The following SMARCAD1 variants were observed in gnomAD, a reference collection of about 807,000 sequenced individuals.
The protein encoded by SMARCAD1 is SNF2 related chromatin remodeling ATPase with DExD box 1, also known as SWI/SNF-related matrix-associated actin-dependent regulator of chromatin subfamily A containing DEAD/H box 1.
In SMARCAD1, 25 loss-of-function variants were observed where a neutral mutation model predicts 127.1. The observed-to-expected ratio is 0.20, with a 90% CI of 0.14 to 0.27. The LOEUF is 0.27. SMARCAD1 is among the 10% of genes least tolerant of loss of function. The pLI, the probability that SMARCAD1 is intolerant of heterozygous loss-of-function variation, is 1.00. For synonymous variants in SMARCAD1, 400 were observed against 396.9 expected (o/e 1.01, Z -0.09); for missense variants, 807 against 1,206.0 (o/e 0.67, Z 4.90).
At chr4:94,285,307 C>T (rs955596288) in intron 23 of SMARCAD1, among the ~76,000 whole-genome samples, 1 of 152,090 alleles carries the variant, frequency 6.6e-6, no homozygotes, top group Non-Finnish European at 1.5e-5. Flanking sequence ...GTTCAAAACT[C>T]AGAAATGAAA....
chr4:94,264,406 G>A (rs1409489965), intron 9 of SMARCAD1: 3 of 238,840 alleles, frequency 1.3e-5, no homozygotes, highest in Non-Finnish European at 2.4e-5. Context: ...ACTTGTGAAT[G>A]TTTCTCTTAT....
At chr4:94,243,968 T>C (rs1748011623) in intron 6 of SMARCAD1, among the ~76,000 whole-genome samples, 1 of 152,102 alleles carries the variant, frequency 6.6e-6, no homozygotes, top group South Asian at 2.1e-4. Flanking sequence ...GATAAAAACA[T>C]AACGATACAT....
At chr4:94,240,140 A>T (rs1747353968) in intron 5 of SMARCAD1, among the ~76,000 whole-genome samples, 1 of 152,180 alleles carries the variant, frequency 6.6e-6, no homozygotes, top group African/African-American at 2.4e-5. Flanking sequence ...TGAAATCTTA[A>T]ACCTTTGTAG....
chr4:94,246,424 T>C (rs1748430670), intron 6 of SMARCAD1, among the ~76,000 whole-genome samples: 2 of 152,158 alleles, frequency 1.3e-5, no homozygotes, highest in Non-Finnish European at 1.5e-5. Context: ...CAGCCATAAC[T>C]GACAATCTTA....
At chr4:94,276,983 T>TAGCTCTTATATTAGC in intron 15 of SMARCAD1, 39 bp from the exon 16 acceptor site, 1 of 1,612,900 alleles carries the variant, frequency 6.2e-7, no homozygotes, top group East Asian at 2.2e-5. Flanking sequence ...GAGTGGCTCT[T>TAGCTCTTATATTAGC]TAAGAAAAAG....
At chr4:94,257,491 A>G (rs1750283891) in intron 9 of SMARCAD1, among the ~76,000 whole-genome samples, 1 of 152,170 alleles carries the variant, frequency 6.6e-6, no homozygotes, top group Admixed American at 6.5e-5. Flanking sequence ...AGTAACTTAC[A>G]GGATTAAGTG....
chr4:94,269,669 G>T (rs1198281213), intron 10 of SMARCAD1, among the ~76,000 whole-genome samples: 1 of 151,776 alleles, frequency 6.6e-6, no homozygotes, highest in African/African-American at 2.4e-5. Context: ...TCATTCTGTT[G>T]TTGTTGTTGT....
upstream of SMARCAD1, chr4:94,207,718 C>T: frequency 5.6e-6 from 1 of 178,722 alleles, no homozygotes; most frequent in Non-Finnish European, 1.2e-5. Flanking sequence ...TGTTACATAG[C>T]ACTGAGGCTA....
intron 3 of SMARCAD1, among the ~76,000 whole-genome samples, chr4:94,230,678 C>G (rs1221524046): frequency 6.6e-6 from 1 of 152,114 alleles, no homozygotes; most frequent in Non-Finnish European, 1.5e-5. Context: ...TATCCCCTTG[C>G]AGCAAAACTA....
intron 6 of SMARCAD1, among the ~76,000 whole-genome samples, chr4:94,244,244 G>C (rs1748054321): frequency 6.6e-6 from 1 of 152,154 alleles, no homozygotes; most frequent in Non-Finnish European, 1.5e-5. Context: ...CTGCATAAGT[G>C]GCTCCTTTTA....
At chr4:94,287,920 G>GC (rs1334772703) in intron 23 of SMARCAD1, among the ~76,000 whole-genome samples, 1 of 152,036 alleles carries the variant, frequency 6.6e-6, no homozygotes, top group African/African-American at 2.4e-5. Flanking sequence ...GGGGAGACAG[G>GC]CGGGAGGATC....
intron 6 of SMARCAD1, 118 bp from the exon 7 acceptor site, chr4:94,249,536 G>A (rs1449017435): frequency 1.5e-6 from 1 of 674,758 alleles, no homozygotes; most frequent in African/African-American, 1.8e-5. Flanking sequence ...AAACAGTTTG[G>A]ATTCTTCTGA....
At chr4:94,230,180 C>G (rs1387250452) in intron 3 of SMARCAD1, among the ~76,000 whole-genome samples, 1 of 151,892 alleles carries the variant, frequency 6.6e-6, no homozygotes, top group Admixed American at 6.6e-5. Flanking sequence ...AAAATCAAAA[C>G]TCTACAAAGG....
rs376182003 is a variant in SMARCAD1, at chr4:94,211,966, C to A, written c.190+3382C>A. 1.4e-3 allele frequency among the ~76,000 whole-genome samples: 188 copies of A among 130,572 alleles called. 1 individual carries two copies. Among genetic ancestry groups the A allele is most frequent in the African/African-American group, 5.2e-3 (182 of 34,760 alleles). The allele number at this position is 130,572 out of a possible 152,430, so 85.7% of individuals were successfully genotyped here. ...AACCTTTCATTATGTAGTTGTGTAT[C>A]ACTAGCTAACATTACATTATATAGT... On this transcript the variant is annotated intron_variant, in intron 2 of 23. Coordinates refer to ENST00000354268, the MANE Select transcript of SMARCAD1 (RefSeq NM_020159.5).
chr4:94,225,382 A>G (rs1457068443), intron 2 of SMARCAD1, among the ~76,000 whole-genome samples: 1 of 152,066 alleles, frequency 6.6e-6, no homozygotes, highest in Non-Finnish European at 1.5e-5. Flanking sequence ...TTATAAGGAC[A>G]TCAGTCATAT....
At chr4:94,224,298 C>T (rs896717485) in intron 2 of SMARCAD1, among the ~76,000 whole-genome samples, 1 of 152,286 alleles carries the variant, frequency 6.6e-6, no homozygotes, top group Non-Finnish European at 1.5e-5. Flanking sequence ...TTGGTGCTCT[C>T]TAGAGCAAAT....
At chr4:94,240,801 G>A (rs997615857) in intron 5 of SMARCAD1, 105 bp from the exon 6 acceptor site, 2 of 777,000 alleles carry the variant, frequency 2.6e-6, no homozygotes, top group Non-Finnish European at 4.5e-6. Context: ...GATATCAAGA[G>A]AACTGTCTAG....
chr4:94,208,779 A>G (rs1281618488), intron 2 of SMARCAD1, among the ~76,000 whole-genome samples, 195 bp downstream of exon 2: 1 of 152,118 alleles, frequency 6.6e-6, no homozygotes, highest in Non-Finnish European at 1.5e-5. Context: ...TTGTCGCCTC[A>G]CTTTTATATG....
At chr4:94,256,900 A>G (rs1213796562) in intron 9 of SMARCAD1, among the ~76,000 whole-genome samples, 1 of 152,212 alleles carries the variant, frequency 6.6e-6, no homozygotes, top group Non-Finnish European at 1.5e-5. Context: ...ATAATAATGA[A>G]TAAGCTTGGG....
Sources: allele counts gnomAD v4.1 joint callset (sites outside exome capture counted in the v4.1 genomes callset), GRCh38; gene constraint gnomAD v4.1.1; transcripts MANE v1.5; gene names NCBI Gene and HGNC (gene_info 2026-07-23, HGNC 2026-07-21).